Variants in ALDH1A2 observed in about 807,000 individuals in gnomAD.
ALDH1A2 encodes the protein aldehyde dehydrogenase 1 family member A2.
Under a neutral mutation model 60.3 loss-of-function variants are expected in ALDH1A2, and 27 were observed. That is an observed-to-expected ratio of 0.45 (90% CI 0.33 to 0.62). ALDH1A2 has a LOEUF of 0.62. ALDH1A2 is among the 20% of genes least tolerant of loss of function. The probability of loss-of-function intolerance (pLI) is 0.02; values close to 1 mark genes in which losing one functional copy is unlikely to be tolerated. For synonymous variants in ALDH1A2, 289 were observed against 232.4 expected (o/e 1.24, Z -2.21); for missense variants, 581 against 643.8 (o/e 0.90, Z 1.06).
intron 1 of ALDH1A2, among the ~76,000 whole-genome samples, chr15:58,024,127 T>A (rs562262074): frequency 6.6e-6 from 1 of 151,596 alleles, no homozygotes; most frequent in Non-Finnish European, 1.5e-5. Context: ...CTCTGAAATA[T>A]GGAAGTATAA....
chr15:58,023,315 C>A (rs1012463930), intron 1 of ALDH1A2, among the ~76,000 whole-genome samples: 1 of 152,026 alleles, frequency 6.6e-6, no homozygotes, highest in Non-Finnish European at 1.5e-5. Flanking sequence ...ATAAGCAAAG[C>A]CTTTGTGACA....
At chr15:57,988,073 G>C (rs1894769871) in intron 7 of ALDH1A2, among the ~76,000 whole-genome samples, 1 of 152,118 alleles carries the variant, frequency 6.6e-6, no homozygotes, top group Non-Finnish European at 1.5e-5. Flanking sequence ...GCAAGTATGT[G>C]AGTAAACAGA....
intron 4 of ALDH1A2, among the ~76,000 whole-genome samples, chr15:58,009,916 A>G (rs944361868): frequency 6.6e-6 from 1 of 152,110 alleles, no homozygotes; most frequent in East Asian, 1.9e-4. Context: ...AGCACAGATA[A>G]AAATCTCTTC....
At chr15:58,058,253 A>G in intron 1 of ALDH1A2, 2 of 552,820 alleles carry the variant, frequency 3.6e-6, no homozygotes, top group Non-Finnish European at 6.5e-6. Context: ...AATCTGGTAT[A>G]TGAGTGTTAG....
At chr15:57,987,711 T>C (rs558739806) in intron 7 of ALDH1A2, among the ~76,000 whole-genome samples, 11 of 152,060 alleles carry the variant, frequency 7.2e-5, no homozygotes, top group African/African-American at 2.7e-4. Flanking sequence ...GAACCCCGTC[T>C]CTGCTAAAAA....
intron 1 of ALDH1A2, among the ~76,000 whole-genome samples, chr15:58,064,381 G>C (rs906457365): frequency 9.2e-5 from 14 of 152,170 alleles, no homozygotes; most frequent in South Asian, 2.1e-4. Flanking sequence ...GCCCTGATTT[G>C]TAACCTAAAA....
chr15:58,002,695 CAAT>C (rs1473534262), intron 4 of ALDH1A2, among the ~76,000 whole-genome samples: 4 of 151,768 alleles, frequency 2.6e-5, no homozygotes, highest in Non-Finnish European at 5.9e-5. Context: ...TACCTAGTAA[CAAT>C]AAAAACGATT....
intron 1 of ALDH1A2, among the ~76,000 whole-genome samples, chr15:58,017,605 A>G (rs1364925991): frequency 1.3e-5 from 2 of 152,148 alleles, no homozygotes; most frequent in African/African-American, 4.8e-5. Context: ...ATCTGGAGCC[A>G]GTATTTACGA....
intron 1 of ALDH1A2, among the ~76,000 whole-genome samples, chr15:58,019,599 G>C (rs1404165252): frequency 6.6e-6 from 1 of 152,176 alleles, no homozygotes. Flanking sequence ...AGAACAGATG[G>C]TCCATAAAAG....
At chr15:58,033,423 T>C (rs904464153) in intron 1 of ALDH1A2, among the ~76,000 whole-genome samples, 5 of 151,944 alleles carry the variant, frequency 3.3e-5, no homozygotes, top group South Asian at 2.1e-4. Context: ...TGCCTTCTAT[T>C]GGTTTGGAAG....
At chr15:57,958,210 G>A (rs868087872) in intron 12 of ALDH1A2, among the ~76,000 whole-genome samples, 25 of 70,510 alleles carry the variant, frequency 3.5e-4, no homozygotes, top group African/African-American at 7.9e-4. Flanking sequence ...GCGTGTACAC[G>A]CACGCACACA....
At chr15:58,023,951 G>T (rs1371553534) in intron 1 of ALDH1A2, among the ~76,000 whole-genome samples, 1 of 152,162 alleles carries the variant, frequency 6.6e-6, no homozygotes, top group African/African-American at 2.4e-5. Context: ...AAATTAGCCA[G>T]GCGTGGTGGC....
chr15:58,003,425 A>AT (rs1237987889), intron 4 of ALDH1A2, among the ~76,000 whole-genome samples: 28 of 152,012 alleles, frequency 1.8e-4, no homozygotes, highest in African/African-American at 6.0e-4. Flanking sequence ...ATCTTTGTGT[A>AT]TTTGTATCCT....
At chr15:58,015,917 G>A (rs145904257) in intron 1 of ALDH1A2, among the ~76,000 whole-genome samples, 114 of 152,244 alleles carry the variant, frequency 7.5e-4, no homozygotes, top group African/African-American at 2.6e-3. Context: ...TTTGCTCACA[G>A]CTGATAGCTC....
chr15:58,025,485 C>G (rs1344737102), intron 1 of ALDH1A2, among the ~76,000 whole-genome samples: 1 of 152,102 alleles, frequency 6.6e-6, no homozygotes, highest in Admixed American at 6.5e-5. Context: ...ACCTGAACAG[C>G]TCAATAACAA....
intron 7 of ALDH1A2, among the ~76,000 whole-genome samples, chr15:57,968,261 ATACT>A (rs1893957150): frequency 6.6e-6 from 1 of 152,254 alleles, no homozygotes; most frequent in African/African-American, 2.4e-5. Flanking sequence ...TCTATGTTAG[ATACT>A]TACAAGCATT....
At chr15:57,990,935 T>C (rs1019325013) in intron 7 of ALDH1A2, among the ~76,000 whole-genome samples, 3 of 150,654 alleles carry the variant, frequency 2.0e-5, no homozygotes, top group African/African-American at 4.9e-5. Context: ...ATCAGGACCA[T>C]TGGTTGGTCA....
intron 7 of ALDH1A2, among the ~76,000 whole-genome samples, chr15:57,974,540 CTT>C (rs1206033268): frequency 6.7e-6 from 1 of 149,974 alleles, no homozygotes; most frequent in African/African-American, 2.4e-5. Context: ...GCAGGGTAGT[CTT>C]TTCAAGAAAT....
chr15:57,987,679 G>C (rs1465878545), intron 7 of ALDH1A2, among the ~76,000 whole-genome samples: 1 of 152,100 alleles, frequency 6.6e-6, no homozygotes, highest in Non-Finnish European at 1.5e-5. Context: ...ACGAGATCCA[G>C]ACCATCCTGG....
Sources: allele counts gnomAD v4.1 joint callset (sites outside exome capture counted in the v4.1 genomes callset), GRCh38; gene constraint gnomAD v4.1.1; transcripts MANE v1.5; gene names NCBI Gene and HGNC (gene_info 2026-07-23, HGNC 2026-07-21).